MMP26: variants seen among roughly 807,000 people sequenced by gnomAD.
MMP26 encodes matrix metalloproteinase-26.
Under a neutral mutation model 31.0 loss-of-function variants are expected in MMP26, and 33 were observed. That is an observed-to-expected ratio of 1.06 (90% confidence interval 0.81 to 1.42). The LOEUF (loss-of-function observed/expected upper bound fraction) is 1.42. Ranked by LOEUF, MMP26 falls within the 40% of genes most tolerant of loss-of-function variation. MMP26 has a pLI of 0.00. For missense variants in MMP26, 347 were observed against 316.1 expected (o/e 1.10, Z -0.74); for synonymous variants, 122 against 114.9 (o/e 1.06, Z -0.40).
intron 2 of MMP26, among the ~76,000 whole-genome samples, chr11:4,800,960 G>T (rs1481994570): frequency 6.6e-6 from 1 of 151,372 alleles, no homozygotes; most frequent in Non-Finnish European, 1.5e-5. Context: ...GCTCCCAATA[G>T]CTTCCTCATT....
chr11:4,826,188 C>T (rs1446805026), intron 2 of MMP26, among the ~76,000 whole-genome samples: 1 of 152,022 alleles, frequency 6.6e-6, no homozygotes, highest in Non-Finnish European at 1.5e-5. Flanking sequence ...AGGTGCCAAG[C>T]CCCAGAACTC....
At chr11:4,811,626 G>A (rs573804192) in intron 2 of MMP26, among the ~76,000 whole-genome samples, 12 of 152,138 alleles carry the variant, frequency 7.9e-5, no homozygotes, top group Admixed American at 3.3e-4. Flanking sequence ...TATATTGGAA[G>A]CAGAATAAAA....
At chr11:4,709,625 C>A (rs1171725961) in intron 1 of MMP26, 1 of 457,044 alleles carries the variant, frequency 2.2e-6, no homozygotes, top group South Asian at 1.5e-5. Context: ...TTACTGGCAT[C>A]CCTGGCCTTG....
At chr11:4,945,910 T>C (rs1166222398) in intron 2 of MMP26, 2 of 492,054 alleles carry the variant, frequency 4.1e-6, no homozygotes, top group South Asian at 2.4e-5. Context: ...TGGTTGTAAT[T>C]TGTTGCTTGT....
At chr11:4,890,994 T>TAATA (rs1235470485) in intron 2 of MMP26, among the ~76,000 whole-genome samples, 1 of 145,824 alleles carries the variant, frequency 6.9e-6, no homozygotes, top group East Asian at 2.0e-4. Context: ...ATAATAATAA[T>TAATA]AATAATAATA....
chr11:4,983,142 A>G (rs1846838460), intron 2 of MMP26, among the ~76,000 whole-genome samples: 1 of 152,178 alleles, frequency 6.6e-6, no homozygotes, highest in South Asian at 2.1e-4. Flanking sequence ...TGCAAATGCA[A>G]AATAGTTTCA....
chr11:4,857,650 G>A (rs1353096358), intron 2 of MMP26, among the ~76,000 whole-genome samples: 2 of 152,198 alleles, frequency 1.3e-5, no homozygotes, highest in African/African-American at 2.4e-5. Context: ...AGAGGTACAA[G>A]GAGGAGCTGG....
At position 4,923,776 on chromosome 11, in the gene MMP26, C is replaced by T; in HGVS notation, c.-144-64292C>T. On this transcript the variant is annotated intron_variant, in intron 2 of 7. Transcript: ENST00000380390. ...TGACAATGATGCTAGAGCAGGCCAG[C>T]TTCATGATCTCCAGGTGAAGACAAT... The T allele has an allele frequency of 1.9e-6, 3 of 1,614,030 alleles. No homozygotes were observed. In the South Asian group the frequency reaches 3.3e-5, roughly 18 times the overall value.
intron 2 of MMP26, among the ~76,000 whole-genome samples, chr11:4,839,840 C>G (rs1490524090): frequency 6.6e-6 from 1 of 151,784 alleles, no homozygotes; most frequent in Non-Finnish European, 1.5e-5. Context: ...CCGTAGGTAC[C>G]AGCACAACCA....
chr11:4,706,810 T>C (rs1323619142), intron 1 of MMP26, among the ~76,000 whole-genome samples: 5 of 152,188 alleles, frequency 3.3e-5, no homozygotes, highest in African/African-American at 1.2e-4. Context: ...CCATTCTAGT[T>C]TCTGTTTCTA....
At chr11:4,759,457 T>C (rs752054701) in intron 1 of MMP26, among the ~76,000 whole-genome samples, 6 of 152,316 alleles carry the variant, frequency 3.9e-5, no homozygotes, top group South Asian at 4.1e-4. Flanking sequence ...TGTCCATATA[T>C]ATAAATTATT....
chr11:4,915,164 A>G (rs1259771233), intron 2 of MMP26: 5 of 1,614,126 alleles, frequency 3.1e-6, no homozygotes, highest in Non-Finnish European at 4.2e-6. Flanking sequence ...TCTTTTGAGC[A>G]TAAAAGGTAA....
intron 2 of MMP26, among the ~76,000 whole-genome samples, chr11:4,786,503 T>TATTTTA (rs1234626769): frequency 1.3e-4 from 15 of 119,992 alleles, no homozygotes; most frequent in Non-Finnish European, 2.5e-4. Flanking sequence ...CTTTTTTTTT[T>TATTTTA]TTTTTTTTTT....
At chr11:4,859,702 G>A (rs1417162434) in intron 2 of MMP26, 1 of 470,128 alleles carries the variant, frequency 2.1e-6, no homozygotes, top group Admixed American at 2.3e-5. Flanking sequence ...GTTTAGCACA[G>A]GCGGGAGCAG....
chr11:4,816,773 G>A (rs1342077466), intron 2 of MMP26, among the ~76,000 whole-genome samples: 1 of 141,356 alleles, frequency 7.1e-6, no homozygotes, highest in African/African-American at 2.7e-5. Context: ...GCGGGATCTC[G>A]GCTCACTGCA....
intron 2 of MMP26, chr11:4,878,147 C>G (rs547177859): frequency 3.6e-4 from 55 of 152,222 alleles, no homozygotes; most frequent in African/African-American, 1.2e-3. Context: ...ATTATGCAGT[C>G]TTTTGTGTCT....
At chr11:4,941,221 G>A (rs1356103978) in intron 2 of MMP26, among the ~76,000 whole-genome samples, 1 of 152,080 alleles carries the variant, frequency 6.6e-6, no homozygotes, top group Non-Finnish European at 1.5e-5. Flanking sequence ...CCTTTACTTT[G>A]TAGGCAGAAG....
At chr11:4,848,242 G>A in intron 2 of MMP26, 4 of 1,601,332 alleles carry the variant, frequency 2.5e-6, no homozygotes, top group South Asian at 1.1e-5. Flanking sequence ...CCTACTCACT[G>A]AGCACCACCC....
chr11:4,712,519 G>A (rs1847875341), intron 1 of MMP26: 1 of 152,074 alleles, frequency 6.6e-6, no homozygotes, highest in Non-Finnish European at 1.5e-5. Context: ...AGCAATGAAA[G>A]CATAAACATA....
Sources: gnomAD v4.1 joint callset for allele counts (sites outside exome capture counted in the v4.1 genomes callset) on GRCh38, gnomAD v4.1.1 for gene constraint, MANE v1.5 for transcripts, NCBI Gene and HGNC (gene_info 2026-07-23, HGNC 2026-07-21) for gene names.